The following FBXO5 variants were observed in gnomAD, a reference collection of about 807,000 sequenced individuals.
FBXO5 encodes F-box only protein 5.
In FBXO5, 8 loss-of-function variants were observed where a neutral mutation model predicts 43.3. The observed-to-expected ratio is 0.18, with a 90% confidence interval of 0.11 to 0.33. The LOEUF is 0.33. FBXO5 is among the 10% of genes least tolerant of loss of function. The pLI is 1.00. For missense variants in FBXO5, 491 were observed against 535.7 expected (o/e 0.92, Z 0.82); for synonymous variants, 204 against 193.7 (o/e 1.05, Z -0.44).
At chr6:152,982,001 C>T (rs994695084) in intron 1 of FBXO5, among the ~76,000 whole-genome samples, 1 of 152,118 alleles carries the variant, frequency 6.6e-6, no homozygotes, top group Non-Finnish European at 1.5e-5. Flanking sequence ...AAAAAGTCAC[C>T]AATTCTTCGA....
chr6:152,979,940 A>T (rs1052203227), intron 1 of FBXO5, among the ~76,000 whole-genome samples: 8 of 152,234 alleles, frequency 5.3e-5, no homozygotes, highest in African/African-American at 1.9e-4. Flanking sequence ...AATGAGAGTG[A>T]AATCTGGATG....
At chr6:152,981,168 C>A (rs1778252668) in intron 1 of FBXO5, among the ~76,000 whole-genome samples, 2 of 152,154 alleles carry the variant, frequency 1.3e-5, no homozygotes, top group African/African-American at 4.8e-5. Flanking sequence ...ATGTCCTATT[C>A]CTATTTTTCC....
intron 1 of FBXO5, 107 bp downstream of exon 1, chr6:152,982,750 G>A: frequency 2.7e-6 from 2 of 740,036 alleles, no homozygotes; most frequent in Admixed American, 4.3e-5. Context: ...TGGCATGGCC[G>A]CGCGTCCAGG....
At chr6:152,975,963 T>C (rs533408199) in intron 1 of FBXO5, among the ~76,000 whole-genome samples, 1 of 152,318 alleles carries the variant, frequency 6.6e-6, no homozygotes, top group South Asian at 2.1e-4. Flanking sequence ...AATAAACATC[T>C]GTGTTTATGG....
chr6:152,976,289 T>C (rs1272204814), intron 1 of FBXO5, among the ~76,000 whole-genome samples: 3 of 152,216 alleles, frequency 2.0e-5, no homozygotes, highest in Non-Finnish European at 4.4e-5. Flanking sequence ...AGAAAAGAAC[T>C]AATAACACAT....
In FBXO5 at chr6:152,975,094, G is replaced by C. The variant is rs767069529; in HGVS notation, c.631C>G (p.Arg211Gly). 5 of 1,613,978 alleles carry C rather than the reference G, an allele frequency of 3.1e-6. No homozygotes were observed. Among genetic ancestry groups the C allele is most frequent in the Non-Finnish European group, 4.2e-6 (5 of 1,180,032 alleles). Residue 211 changes from arginine (R) to glycine (G), a missense_variant, in exon 2 of 5, where the codon CGA becomes GGA. Physicochemically the swap from Arg to Gly is moderately radical, Grantham distance 125. Coordinates refer to ENST00000229758, the MANE Select transcript of FBXO5 (RefSeq NM_012177.5). ...ATCTCCCGATCTACTTTAGGATTTC[G>C]TTTTGCATTCTTTTTTAATGTTGAA... ...VCSTLKKNAK[R>G]NPKVDREMLK...
chr6:152,980,101 CTAAG>C (rs1373505856), intron 1 of FBXO5, among the ~76,000 whole-genome samples: 3 of 152,138 alleles, frequency 2.0e-5, no homozygotes, highest in African/African-American at 7.2e-5. Flanking sequence ...TTTTAACTAG[CTAAG>C]TGTTTTCCAA....
intron 4 of FBXO5, among the ~76,000 whole-genome samples, chr6:152,971,924 C>CATT (rs1316032690): frequency 6.6e-6 from 1 of 152,060 alleles, no homozygotes; most frequent in Non-Finnish European, 1.5e-5. Context: ...CTAGGTTTTT[C>CATT]ATTATTTCTT....
intron 1 of FBXO5, among the ~76,000 whole-genome samples, chr6:152,978,926 G>C (rs1778218814): frequency 6.6e-6 from 1 of 151,950 alleles, no homozygotes; most frequent in Non-Finnish European, 1.5e-5. Context: ...GGGAGGTTGA[G>C]GCTGCAGGGA....
rs1778074425 is a variant in FBXO5, at chr6:152,970,815, G to A, written c.*348C>T. ...TAAAATGTCTGAAATGCTAACAGAT[G>A]GAAAACCAGACATATTTAAGACTGT... On this transcript the variant is annotated 3_prime_UTR_variant, in exon 5 of 5. Transcript: ENST00000229758. The A allele has an allele frequency of 1.2e-5, 2 of 169,070 alleles. No homozygotes were observed. The allele number at this position is 169,070 out of a possible 1,614,324, so 10.5% of individuals were successfully genotyped here.
rs1245858231 is a variant in FBXO5 at position 152,982,875 on chromosome 6, G to T, written c.85C>A (p.Arg29Ser). Residue 29 changes from arginine to serine, a missense_variant, in exon 1 of 5, where the codon CGC (arginine) becomes AGC (serine). Arg to Ser is a moderately radical substitution (Grantham distance 110). Coordinates refer to ENST00000229758, the MANE Select transcript of FBXO5 (RefSeq NM_012177.5). ...ASPSAVTAAG[R>S]PRPSDSCKEE... ...CACTCACTATCCGAGGGTCGAGGGC[G>T]CCCGGCGGCTGTCACTGCGCTGGGG... 6.6e-7 allele frequency: 1 copy of T among 1,510,678 alleles called. No homozygotes were observed. Among genetic ancestry groups the T allele is most frequent in the Non-Finnish European group, 8.8e-7 (1 of 1,136,218 alleles). 93.6% of individuals were successfully genotyped at this position (1,510,678 alleles called of 1,614,324 possible).
chr6:152,973,338 C>T (rs1778115582), intron 2 of FBXO5: 1 of 521,630 alleles, frequency 1.9e-6, no homozygotes, highest in African/African-American at 1.9e-5. Context: ...GCTCCCTCCT[C>T]ATTAAGTAAT....
rs746796010 is a variant in FBXO5, at chr6:152,971,130, T to C, written c.*33A>G. 4.5e-6 allele frequency: 7 copies of C among 1,560,308 alleles called. No homozygotes were observed. The Middle Eastern group carries it at 7.7e-4, about 172-fold the overall frequency. On this transcript the variant is annotated 3_prime_UTR_variant, in exon 5 of 5. Transcript: ENST00000229758. ...AAAACCTAACATTTTCTAACTAACA[T>C]TCATGATCAGTAACAATTGATTTAA...
rs114464700 is a variant in FBXO5, at chr6:152,981,373, T to C, written c.103+1484A>G. 4.1e-3 allele frequency among the ~76,000 whole-genome samples: 618 copies of C among 152,334 alleles called. 1 individual carries two copies. Among genetic ancestry groups the C allele is most frequent in the African/African-American group, 0.014 (596 of 41,570 alleles). On this transcript the variant is annotated intron_variant, in intron 1 of 4. Coordinates refer to ENST00000229758, the MANE Select transcript of FBXO5 (RefSeq NM_012177.5). ...AGTCCTTAAAAATCTTTGTAACTCT[T>C]CTGTTAAATAATTAAGTTCCAGTCT...
In FBXO5 at chr6:152,972,326, G is replaced by T; in HGVS notation, c.1038C>A (p.Ser346=). 1 of 1,612,914 alleles carries T rather than the reference G, an allele frequency of 6.2e-7. No individual in the cohort carries two copies. The highest frequency in any genetic ancestry group is 1.1e-5 in the South Asian group (1 of 90,990). Residue 346 remains serine, a synonymous_variant, in exon 4 of 5, where the codon TCC becomes TCA. Transcript: ENST00000229758. Reference sequence around the variant, plus strand: ...TAGAACCTTTCTGATCACCTTGATTGGATAACTTGGTTTGAGCATCTTTTT... The same window carrying T: ...TAGAACCTTTCTGATCACCTTGATTTGATAACTTGGTTTGAGCATCTTTTT... ...SLKKDAQTKL[S]NQGDQKGSTY... is the part of the protein sequence containing the mutation.
At chr6:152,973,359 T>C (rs893491655) in intron 2 of FBXO5, 15 of 501,114 alleles carry the variant, frequency 3.0e-5, no homozygotes, top group African/African-American at 1.9e-4. Flanking sequence ...TCTGAGTGCA[T>C]TGAGGCTTAA....
chr6:152,971,779 A>G (rs1482622742), intron 4 of FBXO5, among the ~76,000 whole-genome samples: 2 of 152,192 alleles, frequency 1.3e-5, no homozygotes, highest in African/African-American at 4.8e-5. Context: ...ATTTTAGCAC[A>G]CATCATTCAC....
intron 1 of FBXO5, among the ~76,000 whole-genome samples, chr6:152,977,929 G>A (rs1778197534): frequency 6.6e-6 from 1 of 152,148 alleles, no homozygotes; most frequent in Non-Finnish European, 1.5e-5. Flanking sequence ...AGCTAATAAT[G>A]ATGCAAATCC....
Position 152,974,936 on chromosome 6 carries a change from T to C in FBXO5, c.789A>G (p.Leu263=), listed in dbSNP as rs767652352. The C allele has an allele frequency of 1.9e-6, 3 of 1,607,162 alleles. No individual in the cohort carries two copies. Among genetic ancestry groups the C allele is most frequent in the African/African-American group, 2.7e-5 (2 of 74,396 alleles). The change falls in exon 2 of 5, where the codon TTA becomes TTG. Residue 263 remains leucine (L), a synonymous_variant. Transcript: ENST00000229758. ...RGLRHVLATI[L]AQLSDMDLIN... is the part of the protein sequence containing the mutation. The stretch of plus-strand genomic sequence containing the variant: ...TTAAGTCCATGTCACTGAGTTGTGC[T>C]AAAATAGTTGCTAAGACATGTCTGA...
Sources: allele counts gnomAD v4.1 joint callset (sites outside exome capture counted in the v4.1 genomes callset), GRCh38; gene constraint gnomAD v4.1.1; transcripts MANE v1.5; gene names NCBI Gene and HGNC (gene_info 2026-07-23, HGNC 2026-07-21).